Variants in GRIP1 observed in about 807,000 individuals in gnomAD.
The protein encoded by GRIP1 is glutamate receptor interacting protein 1.
A neutral mutation model predicts 129.9 loss-of-function variants in GRIP1; 45 were observed. The observed-to-expected ratio is 0.35, with a 90% confidence interval of 0.27 to 0.44. The LOEUF is 0.44. Ranked by LOEUF, GRIP1 falls within the 20% of genes least tolerant of loss-of-function variation. The pLI, the probability that GRIP1 is intolerant of heterozygous loss-of-function variation, is 1.00. For synonymous variants in GRIP1, 530 were observed against 520.8 expected, an observed-to-expected ratio of 1.02 and a Z score of -0.24; for missense variants, 1,196 against 1,396.8, an observed-to-expected ratio of 0.86 and a Z score of 2.29.
Position 66,785,305 on chromosome 12 carries a change from A to AACATACAT in GRIP1, c.-420+18740_-420+18747dup, listed in dbSNP as rs765557975. Among the ~76,000 whole-genome samples the AACATACAT allele has an allele frequency of 2.6e-4, 27 of 103,938 alleles. 1 individual carries two copies. Among genetic ancestry groups the AACATACAT allele is most frequent in the African/African-American group, 5.3e-4 (14 of 26,388 alleles). The allele number at this position is 103,938 out of a possible 152,430, so 68.2% of individuals were successfully genotyped here. A position where few individuals can be genotyped will look rare whatever the true frequency, so the allele number is the denominator to read the frequency against. On this transcript the variant is annotated intron_variant, in intron 1 of 4. Coordinates refer to the GRIP1 transcript ENST00000538373. Reference sequence around the variant, plus strand: ...GAAACCCTGACTCTTCCAAGAATTTAACATACATACATACATACATACATA... The same window carrying AACATACAT: ...GAAACCCTGACTCTTCCAAGAATTTAACATACATACATACATACATACATACATACATA...
At chr12:66,551,306 A>C (rs1005649755) in intron 2 of GRIP1, among the ~76,000 whole-genome samples, 3 of 152,246 alleles carry the variant, frequency 2.0e-5, no homozygotes, top group Non-Finnish European at 4.4e-5. Context: ...AAATGTCGTC[A>C]GTCCATAGCA....
At chr12:66,816,800 C>T (rs955345869) in intron 1 of GRIP1, among the ~76,000 whole-genome samples, 3 of 151,978 alleles carry the variant, frequency 2.0e-5, no homozygotes, top group African/African-American at 7.3e-5. Flanking sequence ...CTTACAGAAT[C>T]TTAAAGTCAT....
rs1196449490 is a variant in GRIP1 at position 66,379,361 on chromosome 12, G to A, written c.2540C>T (p.Ser847Phe). The A allele has an allele frequency of 1.9e-6, 3 of 1,614,020 alleles. No individual in the cohort carries two copies. The highest frequency in any genetic ancestry group is 2.5e-6 in the Non-Finnish European group (3 of 1,179,892). Residue 847 changes from serine to phenylalanine, a missense_variant, in exon 20 of 25, where the codon TCC becomes TTC. Coordinates refer to ENST00000359742, the MANE Select transcript of GRIP1 (RefSeq NM_001366722.1). The part of the protein sequence containing the change: ...WRSPKQRGSL[S>F]PVTKPRSQTY... The stretch of plus-strand genomic sequence containing the variant: ...CTGGCTTCGAGGCTTAGTGACTGGG[G>A]ACAAGCTGCCTCTCTGTTTTGGACT...
intron 1 of GRIP1, among the ~76,000 whole-genome samples, chr12:66,922,461 G>A (rs1442408878): frequency 6.6e-6 from 1 of 152,158 alleles, no homozygotes; most frequent in African/African-American, 2.4e-5. Context: ...TTAAACTAAG[G>A]TTTCCAAATG....
intron 14 of GRIP1, among the ~76,000 whole-genome samples, chr12:66,431,751 A>T (rs950715499): frequency 1.3e-5 from 2 of 152,164 alleles, no homozygotes; most frequent in Non-Finnish European, 2.9e-5. Context: ...CATTTAGTCT[A>T]TGGATATTAA....
At chr12:66,902,100 C>T (rs1018226765) in intron 1 of GRIP1, among the ~76,000 whole-genome samples, 3 of 152,096 alleles carry the variant, frequency 2.0e-5, no homozygotes, top group Non-Finnish European at 4.4e-5. Flanking sequence ...ACATGCAAAA[C>T]TGGGGAACTA....
intron 7 of GRIP1, among the ~76,000 whole-genome samples, chr12:66,505,646 G>C (rs924584581): frequency 2.0e-5 from 3 of 152,162 alleles, no homozygotes; most frequent in African/African-American, 4.8e-5. Flanking sequence ...CTAAATATTA[G>C]AGAATAATTT....
At chr12:66,897,964 G>A (rs1029721731) in intron 1 of GRIP1, among the ~76,000 whole-genome samples, 1 of 152,102 alleles carries the variant, frequency 6.6e-6, no homozygotes, top group Middle Eastern at 3.2e-3. Flanking sequence ...AATCAGTACT[G>A]ACAAGAATAC....
intron 1 of GRIP1, among the ~76,000 whole-genome samples, chr12:66,831,182 C>CA (rs1453247220): frequency 6.6e-6 from 1 of 151,874 alleles, no homozygotes; most frequent in Admixed American, 6.6e-5. Flanking sequence ...AACTATTGCT[C>CA]AAAAAAAGTA....
chr12:66,923,931 G>A (rs772692798), intron 1 of GRIP1, among the ~76,000 whole-genome samples: 8 of 151,804 alleles, frequency 5.3e-5, no homozygotes, highest in Non-Finnish European at 1.0e-4. Context: ...TGCAGCCTCC[G>A]CCTCCCAGGT....
chr12:66,476,455 C>T (rs2059615809), intron 7 of GRIP1, among the ~76,000 whole-genome samples: 1 of 152,228 alleles, frequency 6.6e-6, no homozygotes. Context: ...GAGCTGGTAC[C>T]ATTCCTTCTG....
intron 1 of GRIP1, among the ~76,000 whole-genome samples, chr12:66,864,337 T>C (rs547424287): frequency 8.5e-6 from 1 of 118,326 alleles, no homozygotes; most frequent in South Asian, 2.5e-4. Context: ...TGACACTCCA[T>C]AAATATTCTT....
At chr12:66,809,113 A>T (rs1449590916), upstream of GRIP1, among the ~76,000 whole-genome samples, 1 of 152,226 alleles carries the variant, frequency 6.6e-6, no homozygotes, top group Non-Finnish European at 1.5e-5. Flanking sequence ...ATGTTAACAA[A>T]TATGTATTTT....
intron 16 of GRIP1, among the ~76,000 whole-genome samples, chr12:66,397,287 G>A (rs905152559): frequency 2.0e-5 from 3 of 151,990 alleles, no homozygotes; most frequent in East Asian, 1.9e-4. Context: ...CAAAGTAGGC[G>A]GATCACCTTA....
intron 1 of GRIP1, among the ~76,000 whole-genome samples, chr12:66,735,698 G>T (rs899837387): frequency 2.6e-5 from 4 of 152,136 alleles, no homozygotes; most frequent in African/African-American, 9.7e-5. Flanking sequence ...GGTGTCAGGG[G>T]AAAGAGACCA....
At chr12:66,826,538 C>G (rs1055253755) in intron 1 of GRIP1, among the ~76,000 whole-genome samples, 5 of 151,836 alleles carry the variant, frequency 3.3e-5, no homozygotes, top group African/African-American at 9.7e-5. Flanking sequence ...GCAGATTGAA[C>G]TGAACAGTAA....
intron 1 of GRIP1, among the ~76,000 whole-genome samples, chr12:66,871,815 G>A (rs1444373593): frequency 6.6e-6 from 1 of 152,112 alleles, no homozygotes; most frequent in Non-Finnish European, 1.5e-5. Flanking sequence ...ATAAGATTGA[G>A]TAAGGTTGTG....
intron 19 of GRIP1, among the ~76,000 whole-genome samples, chr12:66,384,953 T>A (rs2056288193): frequency 6.6e-6 from 1 of 152,238 alleles, no homozygotes; most frequent in Non-Finnish European, 1.5e-5. Context: ...AGGAAAATTA[T>A]GTTTAGGTAA....
At chr12:66,538,847 C>T (rs2061684552) in intron 4 of GRIP1, among the ~76,000 whole-genome samples, 1 of 152,122 alleles carries the variant, frequency 6.6e-6, no homozygotes, top group African/African-American at 2.4e-5. Flanking sequence ...AAGCAATCCT[C>T]CTGCCTCAGC....
Sources: gnomAD v4.1 joint callset for allele counts (sites outside exome capture counted in the v4.1 genomes callset) on GRCh38, gnomAD v4.1.1 for gene constraint, MANE v1.5 for transcripts, NCBI Gene and HGNC (gene_info 2026-07-23, HGNC 2026-07-21) for gene names.